STIM2: variants seen among roughly 807,000 people sequenced by gnomAD.
The protein encoded by STIM2 is stromal interaction molecule 2.
STIM2 carries 31 observed loss-of-function variants against 85.8 expected under a neutral mutation model. That is an observed-to-expected ratio of 0.36 (90% confidence interval 0.27 to 0.49). STIM2 has a LOEUF of 0.49. Among genes scored for constraint, STIM2 ranks in the 20% least tolerant of loss-of-function variants. The probability of loss-of-function intolerance (pLI) is 0.98; values close to 1 mark genes in which losing one functional copy is unlikely to be tolerated. For missense variants in STIM2, 841 were observed against 927.6 expected (o/e 0.91, Z 1.21); for synonymous variants, 356 against 331.1 (o/e 1.08, Z -0.82).
intron 11 of STIM2, 146 bp downstream of exon 11, chr4:27,018,130 A>AT: frequency 1.7e-6 from 2 of 1,184,504 alleles, no homozygotes; most frequent in South Asian, 1.4e-5. Flanking sequence ...GACATCACCC[A>AT]TTTTTTAGCT....
At chr4:26,936,035 G>T (rs896445001) in intron 2 of STIM2, among the ~76,000 whole-genome samples, 11 of 152,148 alleles carry the variant, frequency 7.2e-5, no homozygotes, top group Admixed American at 6.5e-4. Context: ...TATAAAGCAG[G>T]GTTGTATTTG....
At chr4:26,927,882 A>G (rs1307717615) in intron 2 of STIM2, among the ~76,000 whole-genome samples, 1 of 146,638 alleles carries the variant, frequency 6.8e-6, no homozygotes, top group Admixed American at 6.9e-5. Context: ...ATATATTAAT[A>G]TATAATATAA....
rs557074820 is a variant in STIM2 at position 26,945,247 on chromosome 4, T to G, written c.283-12365T>G. 2.0e-5 allele frequency among the ~76,000 whole-genome samples: 3 copies of G among 152,294 alleles called. No individual in the cohort carries two copies. In the South Asian group the frequency reaches 6.2e-4, roughly 32 times the overall value. Reference sequence around the variant, plus strand: ...TTGCTAAGGATAGTGGCCTCCAGTTTCATTTGTGTCCCTGCAAAAGACATG... The same window carrying G: ...TTGCTAAGGATAGTGGCCTCCAGTTGCATTTGTGTCCCTGCAAAAGACATG... On this transcript the variant is annotated intron_variant, in intron 2 of 11. Transcript: ENST00000467087.
Position 26,911,347 on chromosome 4 carries a change from C to T in STIM2, c.152-8157C>T, listed in dbSNP as rs550035649. Among the ~76,000 whole-genome samples the T allele has an allele frequency of 5.3e-5, 8 of 152,254 alleles. No individual in the cohort carries two copies. In the South Asian group the frequency reaches 1.7e-3, roughly 32 times the overall value. ...ATCATTTAGGGGAACTTTTAGCTAA[C>T]AATCAGGGAAACTACTTTGTTTTTG... On this transcript the variant is annotated intron_variant, in intron 1 of 11. Transcript: ENST00000467087.
At chr4:26,931,959 T>C (rs1370126927) in intron 2 of STIM2, among the ~76,000 whole-genome samples, 1 of 152,224 alleles carries the variant, frequency 6.6e-6, no homozygotes, top group Non-Finnish European at 1.5e-5. Flanking sequence ...TTTGTAGGAC[T>C]TCTTAAACTT....
intron 10 of STIM2, among the ~76,000 whole-genome samples, chr4:27,012,430 C>G (rs957131009): frequency 7.1e-6 from 1 of 140,394 alleles, no homozygotes; most frequent in Admixed American, 7.5e-5. Context: ...TTTCTCTGTG[C>G]AGGTCTTGCT....
At chr4:26,933,427 G>T (rs1341064618) in intron 2 of STIM2, among the ~76,000 whole-genome samples, 5 of 152,242 alleles carry the variant, frequency 3.3e-5, no homozygotes, top group African/African-American at 1.2e-4. Flanking sequence ...TGCAAATGTG[G>T]AGAAACCTGT....
intron 1 of STIM2, among the ~76,000 whole-genome samples, chr4:26,903,884 A>G (rs1191934988): frequency 1.3e-5 from 2 of 152,072 alleles, no homozygotes; most frequent in Non-Finnish European, 2.9e-5. Context: ...AGATAATTGG[A>G]TGAGAAAGGA....
intron 2 of STIM2, among the ~76,000 whole-genome samples, chr4:26,932,833 C>A (rs1466564707): frequency 6.6e-6 from 1 of 152,158 alleles, no homozygotes; most frequent in Non-Finnish European, 1.5e-5. Flanking sequence ...TATTGAGCAC[C>A]TATTGTCTGC....
intron 3 of STIM2, among the ~76,000 whole-genome samples, chr4:26,988,045 A>G (rs1029047056): frequency 2.6e-5 from 4 of 152,186 alleles, no homozygotes; most frequent in African/African-American, 9.7e-5. Context: ...ATGTAGAGAT[A>G]ATAGATTTCT....
intron 2 of STIM2, among the ~76,000 whole-genome samples, chr4:26,920,077 T>C (rs1724741350): frequency 6.6e-6 from 1 of 152,206 alleles, no homozygotes; most frequent in Admixed American, 6.5e-5. Flanking sequence ...GGGAGCTCTG[T>C]TGGGGCTGGA....
chr4:26,884,865 A>G (rs1723156762), intron 1 of STIM2, among the ~76,000 whole-genome samples: 2 of 152,252 alleles, frequency 1.3e-5, no homozygotes. Flanking sequence ...GTTAAACACG[A>G]GTTCACAGAA....
At chr4:26,961,980 G>GACAGAAAA (rs1726490927) in intron 3 of STIM2, among the ~76,000 whole-genome samples, 1 of 152,074 alleles carries the variant, frequency 6.6e-6, no homozygotes, top group Non-Finnish European at 1.5e-5. Flanking sequence ...CCAGCTCCTG[G>GACAGAAAA]CCTCAAGCAG....
rs1007627743 is a variant in STIM2 at position 27,024,356 on chromosome 4, G to A, written c.*1360G>A. The A allele has an allele frequency of 3.9e-5, 6 of 152,302 alleles. No individual in the cohort carries two copies. Among genetic ancestry groups the A allele is most frequent in the Admixed American group, 1.3e-4 (2 of 15,300 alleles). 9.4% of individuals were successfully genotyped at this position (152,302 alleles called of 1,614,324 possible). A position where few individuals can be genotyped will look rare whatever the true frequency, so the allele number is the denominator to read the frequency against. The stretch of plus-strand genomic sequence containing the variant: ...CCACTTTAAAAATATGCAATCATAA[G>A]TGATTTGGTTACTGCAATGCAGATG... On this transcript the variant is annotated 3_prime_UTR_variant, in exon 12 of 12. Transcript: ENST00000467087.
rs79525567 is a variant in STIM2 at position 26,960,564 on chromosome 4, A to G, written c.397+2838A>G. Among the ~76,000 whole-genome samples, 5 of 152,352 alleles carry G rather than the reference A, an allele frequency of 3.3e-5. No homozygotes were observed. The East Asian group carries it at 9.6e-4, about 29-fold the overall frequency. On this transcript the variant is annotated intron_variant, in intron 3 of 11. Transcript: ENST00000467087. ...TGAATGAATGAAAGAGTAATGCCTG[A>G]TAAGTATTGGATGCTTAGTAATTTA...
intron 1 of STIM2, among the ~76,000 whole-genome samples, chr4:26,885,846 T>TAC (rs2109040382): frequency 2.5e-5 from 1 of 40,478 alleles, no homozygotes; most frequent in Non-Finnish European, 4.6e-5. Flanking sequence ...TATATATATA[T>TAC]ATATATATAT....
rs930809838 is a variant in STIM2, at chr4:27,002,243, T to G, written c.652T>G (p.Phe218Val). The G allele has an allele frequency of 7.5e-6, 12 of 1,610,656 alleles. No homozygotes were observed. The African/African-American group carries it at 1.3e-4, about 18-fold the overall frequency. The change falls in exon 6 of 12, where the codon TTT becomes GTT. Residue 218 changes from phenylalanine (F) to valine (V), a missense_variant. Phe to Val is a conservative substitution (Grantham distance 50). Transcript: ENST00000467087. ...CCCACCTCATAACTGGATGAAAGATTTTATCCTCACAGTTTCTATAGTAAT... is the reference window on the plus strand; with the variant it reads ...CCCACCTCATAACTGGATGAAAGATGTTATCCTCACAGTTTCTATAGTAAT...
chr4:26,888,287 TA>T (rs1251951627), intron 1 of STIM2, among the ~76,000 whole-genome samples: 1 of 152,200 alleles, frequency 6.6e-6, no homozygotes, highest in African/African-American at 2.4e-5. Context: ...CTGCCTAACA[TA>T]ATATGAATAT....
At chr4:26,873,694 T>C (rs1722711932) in intron 1 of STIM2, 2 of 799,838 alleles carry the variant, frequency 2.5e-6, no homozygotes, top group Non-Finnish European at 4.3e-6. Flanking sequence ...AATGGCTTCA[T>C]CCAGCTCTTG....
Sources: gnomAD v4.1 joint callset for allele counts (sites outside exome capture counted in the v4.1 genomes callset) on GRCh38, gnomAD v4.1.1 for gene constraint, MANE v1.5 for transcripts, NCBI Gene and HGNC (gene_info 2026-07-23, HGNC 2026-07-21) for gene names.